JADE1: variants seen among roughly 807,000 people sequenced by gnomAD.
JADE1 encodes the protein protein Jade-1.
A neutral mutation model predicts 81.8 loss-of-function variants in JADE1; 14 were observed. That is an observed-to-expected ratio of 0.17 (90% CI 0.11 to 0.27). The LOEUF is 0.27. Among genes scored for constraint, JADE1 ranks in the 10% least tolerant of loss-of-function variants. The pLI, the probability that JADE1 is intolerant of heterozygous loss-of-function variation, is 1.00. For synonymous variants in JADE1, 353 were observed against 391.9 expected (o/e 0.90, Z 1.17); for missense variants, 690 against 1,047.9 (o/e 0.66, Z 4.71).
Position 128,852,145 on chromosome 4 carries a change from G to C in JADE1, c.573G>C (p.Glu191Asp), listed in dbSNP as rs748498958. 6.2e-7 allele frequency: 1 copy of C among 1,614,180 alleles called. No individual in the cohort carries two copies. Among genetic ancestry groups the C allele is most frequent in the Non-Finnish European group, 8.5e-7 (1 of 1,180,008 alleles). ...RCYDNMNHAI[E>D]TEEGLGIEYD... ...ACGACAATATGAATCATGCCATAGAGACTGAGGAAGGCCTGGGGATCGAAT... is the reference window on the plus strand; with the variant it reads ...ACGACAATATGAATCATGCCATAGACACTGAGGAAGGCCTGGGGATCGAAT... Residue 191 changes from glutamate (E) to aspartate (D), a missense_variant, in exon 6 of 11, where the codon GAG (glutamate) becomes GAC (aspartate). Glu to Asp is a conservative substitution (Grantham distance 45, BLOSUM62 2). This residue lies in a region of JADE1 where 84 missense variants were observed against 226.6 expected (regional missense o/e 0.37). Transcript: ENST00000226319.
At position 128,871,155 on chromosome 4, in the gene JADE1, GTC is replaced by G. The variant is rs1297709000; in HGVS notation, c.1622-198_1622-197del. On this transcript the variant is annotated intron_variant, in intron 10 of 10. Coordinates refer to ENST00000226319, the MANE Select transcript of JADE1 (RefSeq NM_199320.4). The surrounding 1 kb of genome is among the most constrained non-coding windows in gnomAD (Gnocchi z 4.1). Reference sequence around the variant, plus strand: ...TGTTTTAGAAAATGTGGCATATTGAGTCTGCAGATTGAATGGAGATTCTCAAG... The same window carrying G: ...TGTTTTAGAAAATGTGGCATATTGAGTGCAGATTGAATGGAGATTCTCAAG... 2.6e-5 allele frequency among the ~76,000 whole-genome samples: 4 copies of G among 152,170 alleles called. No individual in the cohort carries two copies. The highest frequency in any genetic ancestry group is 4.4e-5 in the Non-Finnish European group (3 of 68,030).
chr4:128,857,215 G>A lies in JADE1; in HGVS notation c.865-123G>A, dbSNP rs192800955. 3.7e-5 allele frequency: 28 copies of A among 753,814 alleles called. No individual in the cohort carries two copies. In the East Asian group the frequency reaches 5.9e-4, roughly 16 times the overall value. The allele number at this position is 753,814 out of a possible 1,614,324, so 46.7% of individuals were successfully genotyped here. A position where few individuals can be genotyped will look rare whatever the true frequency, so the allele number is the denominator to read the frequency against. The stretch of plus-strand genomic sequence containing the variant: ...TTAAAGTAAGGGTTTGCTTTGAGTG[G>A]GTGCCCCTTGCCACTGTCTGGTAGG... On this transcript the variant is annotated intron_variant, in intron 7 of 10. Transcript: ENST00000226319.
rs919555448 is a variant in JADE1 at position 128,875,105 on chromosome 4, C to G, written c.*2843C>G. On this transcript the variant is annotated 3_prime_UTR_variant, in exon 11 of 11. Transcript: ENST00000226319. ...GACCCAATCCTGTATTTATTTCTAC[C>G]CCCTTTTTGAAAGTATTTATAAAAC... is the stretch of plus-strand genomic sequence containing the variant. 6.6e-6 allele frequency: 1 copy of G among 152,086 alleles called. No individual in the cohort carries two copies. The highest frequency in any genetic ancestry group is 1.5e-5 in the Non-Finnish European group (1 of 67,950). The allele number at this position is 152,086 out of a possible 1,614,324, so 9.4% of individuals were successfully genotyped here. A position where few individuals can be genotyped will look rare whatever the true frequency, so the allele number is the denominator to read the frequency against.
At chr4:128,855,444 C>T (rs1195994553) in intron 6 of JADE1, among the ~76,000 whole-genome samples, 186 bp from the exon 7 acceptor site, 2 of 152,230 alleles carry the variant, frequency 1.3e-5, no homozygotes, top group Non-Finnish European at 2.9e-5. Context: ...CTCCTAAATG[C>T]TCCTGTGAGG....
intron 10 of JADE1, among the ~76,000 whole-genome samples, chr4:128,869,088 G>C (rs780524101): frequency 2.0e-5 from 3 of 152,022 alleles, no homozygotes; most frequent in Non-Finnish European, 4.4e-5. Context: ...GAGGGAGCTC[G>C]GTCATCTGAA....
intron 5 of JADE1, among the ~76,000 whole-genome samples, chr4:128,851,210 G>A (rs569236169): frequency 2.6e-4 from 40 of 152,302 alleles, no homozygotes; most frequent in Admixed American, 1.6e-3. Flanking sequence ...ATGAGCCATC[G>A]CGCCTGGTGT....
At chr4:128,856,021 G>A (rs1163315218) in intron 7 of JADE1, among the ~76,000 whole-genome samples, 1 of 152,022 alleles carries the variant, frequency 6.6e-6, no homozygotes, top group Non-Finnish European at 1.5e-5. Flanking sequence ...ATCTCACTTT[G>A]TTGACCTGGC....
At chr4:128,866,978 T>C (rs557947792) in intron 9 of JADE1, among the ~76,000 whole-genome samples, 11 of 152,298 alleles carry the variant, frequency 7.2e-5, no homozygotes, top group African/African-American at 2.6e-4. Context: ...GTTTTGTGTA[T>C]TGAGTGATGA....
intron 10 of JADE1, among the ~76,000 whole-genome samples, chr4:128,869,689 T>C (rs1001087002): frequency 6.6e-6 from 1 of 152,210 alleles, no homozygotes; most frequent in Non-Finnish European, 1.5e-5. Context: ...GTAACAGAGC[T>C]GTAATGTAGA....
At chr4:128,841,736 G>C (rs983124391) in intron 2 of JADE1, among the ~76,000 whole-genome samples, 5 of 152,194 alleles carry the variant, frequency 3.3e-5, no homozygotes, top group African/African-American at 1.2e-4. Flanking sequence ...TAAGACTGTG[G>C]ACATGGGTGA....
chr4:128,836,417 C>T lies in JADE1; in HGVS notation c.52+4607C>T, dbSNP rs529239630. On this transcript the variant is annotated intron_variant, in intron 2 of 10. Coordinates refer to ENST00000226319, the MANE Select transcript of JADE1 (RefSeq NM_199320.4). ...TATATATGTATATATATAAAATATA[C>T]TATTCATTGAGTGAAAGTAGATAAT... Among the ~76,000 whole-genome samples the T allele has an allele frequency of 8.5e-4, 129 of 151,896 alleles. 1 individual carries two copies. Among genetic ancestry groups the T allele is most frequent in the African/African-American group, 2.7e-3 (111 of 41,412 alleles).
chr4:128,815,734 G>T (rs1032221453), intron 1 of JADE1, among the ~76,000 whole-genome samples: 6 of 152,112 alleles, frequency 3.9e-5, no homozygotes, highest in African/African-American at 1.4e-4. Context: ...TTTCTTGTTT[G>T]TGAAGCTCTT....
At chr4:128,867,295 A>G (rs1313918171) in intron 9 of JADE1, among the ~76,000 whole-genome samples, 1 of 152,210 alleles carries the variant, frequency 6.6e-6, no homozygotes, top group Non-Finnish European at 1.5e-5. Context: ...GTTGACAAAG[A>G]CATTTACTAG....
intron 1 of JADE1, among the ~76,000 whole-genome samples, chr4:128,829,511 T>C (rs997253691): frequency 6.6e-6 from 1 of 152,204 alleles, no homozygotes; most frequent in Non-Finnish European, 1.5e-5. Flanking sequence ...TTTGGATGAA[T>C]TGTGTAGATC....
chr4:128,850,028 T>G (rs1313391084), intron 5 of JADE1, among the ~76,000 whole-genome samples: 1 of 152,116 alleles, frequency 6.6e-6, no homozygotes. Context: ...GCTTGTTGGC[T>G]CATGTCTGTA....
chr4:128,830,916 G>A (rs1027477257), intron 1 of JADE1, among the ~76,000 whole-genome samples: 5 of 152,172 alleles, frequency 3.3e-5, no homozygotes, highest in African/African-American at 1.2e-4. Context: ...AGCTACCTGG[G>A]AGGAGTTGGC....
chr4:128,823,839 T>C (rs762912791), intron 1 of JADE1, among the ~76,000 whole-genome samples: 7 of 152,208 alleles, frequency 4.6e-5, no homozygotes, highest in Non-Finnish European at 1.0e-4. Context: ...TGTTGCCAGT[T>C]GGAAAACTTC....
intron 6 of JADE1, among the ~76,000 whole-genome samples, chr4:128,854,507 A>T (rs1005345088): frequency 2.0e-5 from 3 of 152,136 alleles, no homozygotes; most frequent in African/African-American, 7.2e-5. Flanking sequence ...GTCTGCGTTG[A>T]CGGTAGCTTA....
chr4:128,860,591 G>A (rs181180104), intron 8 of JADE1, among the ~76,000 whole-genome samples: 1 of 152,330 alleles, frequency 6.6e-6, no homozygotes, highest in African/African-American at 2.4e-5. Flanking sequence ...TTCACACAAT[G>A]CAGTGCTGCT....
Sources: allele counts gnomAD v4.1 joint callset (sites outside exome capture counted in the v4.1 genomes callset), GRCh38; gene constraint gnomAD v4.1.1; regional missense constraint gnomAD v4.1.1; non-coding constraint Gnocchi (gnomAD v3.1); transcripts MANE v1.5; gene names NCBI Gene and HGNC (gene_info 2026-07-23, HGNC 2026-07-21).